The following FHIT variants were observed in gnomAD, a reference collection of about 807,000 sequenced individuals.
FHIT encodes the protein bis(5'-adenosyl)-triphosphatase.
A neutral mutation model predicts 17.9 loss-of-function variants in FHIT; 19 were observed. The ratio of observed to expected loss-of-function variants is 1.06; its 90% CI spans 0.74 to 1.56. The LOEUF is 1.56. Among genes scored for constraint, FHIT ranks in the 40% most tolerant of loss-of-function variants. FHIT has a pLI of 0.00. For missense variants in FHIT, 248 were observed against 189.2 expected (o/e 1.31, Z -1.82); for synonymous variants, 81 against 69.7 (o/e 1.16, Z -0.81).
intron 2 of FHIT, among the ~76,000 whole-genome samples, chr3:61,090,335 A>G (rs2035440815): frequency 6.6e-6 from 1 of 152,220 alleles, no homozygotes; most frequent in South Asian, 2.1e-4. Context: ...TTGTTATGAA[A>G]GTTGCTTTTG....
At chr3:60,672,567 G>A (rs2040530718) in intron 4 of FHIT, among the ~76,000 whole-genome samples, 1 of 152,192 alleles carries the variant, frequency 6.6e-6, no homozygotes, top group Admixed American at 6.5e-5. Context: ...CTTCTTTTGT[G>A]ATTCTTCAGT....
chr3:60,860,027 A>G (rs569328384), intron 3 of FHIT, among the ~76,000 whole-genome samples: 57 of 149,384 alleles, frequency 3.8e-4, no homozygotes, highest in Middle Eastern at 3.6e-3. Flanking sequence ...CTGGTGAAGA[A>G]GTGGGACTAC....
chr3:60,359,997 C>CT (rs1190609181), intron 5 of FHIT, among the ~76,000 whole-genome samples: 8,487 of 114,676 alleles, frequency 0.074, 389 homozygotes, highest in Non-Finnish European at 0.11. Flanking sequence ...TTTTTTTTTT[C>CT]TTTTTTTTTT....
chr3:61,121,635 A>C (rs2036459605), intron 2 of FHIT, among the ~76,000 whole-genome samples: 1 of 152,180 alleles, frequency 6.6e-6, no homozygotes, highest in Admixed American at 6.5e-5. Flanking sequence ...TACTGCAAAA[A>C]CATACCAAAT....
intron 5 of FHIT, among the ~76,000 whole-genome samples, chr3:60,396,515 T>C (rs968317798): frequency 2.0e-5 from 3 of 152,220 alleles, no homozygotes; most frequent in South Asian, 2.1e-4. Flanking sequence ...GATTAAATCA[T>C]AGTGGCTAAG....
intron 2 of FHIT, among the ~76,000 whole-genome samples, chr3:61,098,002 T>C (rs1176888178): frequency 6.6e-6 from 1 of 152,332 alleles, no homozygotes; most frequent in East Asian, 1.9e-4. Flanking sequence ...ACTTTTAGCA[T>C]GTTTGTCATT....
At chr3:59,816,386 A>G (rs1700600454) in intron 8 of FHIT, among the ~76,000 whole-genome samples, 1 of 152,142 alleles carries the variant, frequency 6.6e-6, no homozygotes, top group African/African-American at 2.4e-5. Context: ...TAATAACAAC[A>G]ATCACAGTGA....
chr3:60,281,826 G>T (rs979137666), intron 5 of FHIT, among the ~76,000 whole-genome samples: 1 of 151,998 alleles, frequency 6.6e-6, no homozygotes, highest in Non-Finnish European at 1.5e-5. Flanking sequence ...ATTTTAAATT[G>T]AATTGTATTA....
At chr3:60,802,252 T>C (rs1553732535) in intron 4 of FHIT, among the ~76,000 whole-genome samples, 1 of 152,216 alleles carries the variant, frequency 6.6e-6, no homozygotes, top group Non-Finnish European at 1.5e-5. Context: ...AATCTATTAG[T>C]TTACCAGATG....
At chr3:60,015,744 G>A (rs1014762141) in intron 5 of FHIT, among the ~76,000 whole-genome samples, 7 of 152,124 alleles carry the variant, frequency 4.6e-5, no homozygotes, top group African/African-American at 1.7e-4. Flanking sequence ...GGTGGGGGAG[G>A]AAGACATTTC....
intron 3 of FHIT, among the ~76,000 whole-genome samples, chr3:61,015,847 C>A (rs553446850): frequency 1.3e-5 from 2 of 152,246 alleles, no homozygotes; most frequent in South Asian, 2.1e-4. Flanking sequence ...GGAAAAAAAG[C>A]CAGGACAGTC....
At chr3:59,781,212 G>A (rs191399622) in intron 8 of FHIT, among the ~76,000 whole-genome samples, 15 of 152,208 alleles carry the variant, frequency 9.9e-5, no homozygotes, top group South Asian at 4.2e-4. Flanking sequence ...GGTCCCAAGC[G>A]CACAGCCAAA....
At chr3:59,829,578 G>A (rs890636150) in intron 8 of FHIT, among the ~76,000 whole-genome samples, 26 of 152,122 alleles carry the variant, frequency 1.7e-4, no homozygotes, top group Non-Finnish European at 2.9e-5. Flanking sequence ...TGGATTCGGT[G>A]GTATGGAAAA....
intron 7 of FHIT, among the ~76,000 whole-genome samples, chr3:59,979,259 C>A (rs1053977884): frequency 6.6e-6 from 1 of 152,118 alleles, no homozygotes; most frequent in Non-Finnish European, 1.5e-5. Flanking sequence ...AGAAGCATGG[C>A]AGAATTTTAG....
rs1346276384 is a variant in FHIT, at chr3:61,047,822, C to T, written c.-163-5723G>A. 2.0e-5 allele frequency among the ~76,000 whole-genome samples: 3 copies of T among 146,998 alleles called. No individual in the cohort carries two copies. The East Asian group carries it at 6.2e-4, about 31-fold the overall frequency. On this transcript the variant is annotated intron_variant, in intron 2 of 9. Coordinates refer to ENST00000492590, the MANE Select transcript of FHIT (RefSeq NM_002012.4). The stretch of plus-strand genomic sequence containing the variant: ...AACAGAGCCCTCAGAAATAATACCA[C>T]ACATCTACAACCATCTGATCTTTGA...
rs374806107 is a variant in FHIT at position 61,043,880 on chromosome 3, C to A, written c.-163-1781G>T. The stretch of plus-strand genomic sequence containing the variant: ...CCAGGCAAACAGGGTCTGGAGTGGA[C>A]CTCCAGCAAACTCCAAAAGACCTGC... On this transcript the variant is annotated intron_variant, in intron 2 of 9. Transcript: ENST00000492590. 4.6e-5 allele frequency among the ~76,000 whole-genome samples: 7 copies of A among 152,256 alleles called. No homozygotes were observed. In the South Asian group the frequency reaches 8.3e-4, roughly 18 times the overall value.
At chr3:60,559,124 G>A (rs910089326) in intron 4 of FHIT, among the ~76,000 whole-genome samples, 3 of 152,048 alleles carry the variant, frequency 2.0e-5, no homozygotes, top group Admixed American at 1.3e-4. Context: ...TTAAATTAGC[G>A]GGTTTATTCA....
intron 4 of FHIT, among the ~76,000 whole-genome samples, chr3:60,726,186 G>A (rs2041913360): frequency 6.6e-6 from 1 of 152,072 alleles, no homozygotes. Context: ...CAAAGGGTAG[G>A]AAATCTTATC....
At chr3:60,614,148 G>T (rs1451808454) in intron 4 of FHIT, among the ~76,000 whole-genome samples, 2 of 152,102 alleles carry the variant, frequency 1.3e-5, no homozygotes, top group African/African-American at 4.8e-5. Context: ...TGCCCACTGA[G>T]AATGAGAGTA....
Sources: allele counts gnomAD v4.1 joint callset (sites outside exome capture counted in the v4.1 genomes callset), GRCh38; gene constraint gnomAD v4.1.1; transcripts MANE v1.5; gene names NCBI Gene and HGNC (gene_info 2026-07-23, HGNC 2026-07-21).